Variants in ARMH3 observed in about 807,000 individuals in gnomAD.
ARMH3 encodes armadillo-like helical domain-containing protein 3.
In ARMH3, 60 loss-of-function variants were observed where a neutral mutation model predicts 99.1. That is an observed-to-expected ratio of 0.61 (90% CI 0.49 to 0.75). The LOEUF (loss-of-function observed/expected upper bound fraction) is 0.75. ARMH3 is among the 30% of genes least tolerant of loss of function. The probability of loss-of-function intolerance (pLI) is 0.00; values close to 1 mark genes in which losing one functional copy is unlikely to be tolerated. For missense variants in ARMH3, 679 were observed against 843.1 expected, an observed-to-expected ratio of 0.81 and a Z score of 2.41; for synonymous variants, 285 against 292.8, an observed-to-expected ratio of 0.97 and a Z score of 0.27.
chr10:102,044,428 T>C (rs1007791296), intron 1 of ARMH3, among the ~76,000 whole-genome samples: 3 of 149,516 alleles, frequency 2.0e-5, no homozygotes, highest in Non-Finnish European at 3.0e-5. Context: ...CTGGATGCAG[T>C]GACATGATCT....
chr10:102,021,774 C>T (rs987119473), intron 8 of ARMH3, among the ~76,000 whole-genome samples: 1 of 151,896 alleles, frequency 6.6e-6, no homozygotes, highest in Non-Finnish European at 1.5e-5. Context: ...TCTCGATCTC[C>T]CAACCTCGTG....
At chr10:101,910,829 T>G (rs1842836850) in intron 23 of ARMH3, among the ~76,000 whole-genome samples, 3 of 150,120 alleles carry the variant, frequency 2.0e-5, no homozygotes, top group Admixed American at 2.0e-4. Context: ...ACATTCAGGT[T>G]TTTTTTTTGG....
chr10:102,035,578 AT>A (rs1294707245), intron 2 of ARMH3, among the ~76,000 whole-genome samples: 1 of 152,100 alleles, frequency 6.6e-6, no homozygotes, highest in African/African-American at 2.4e-5. Context: ...TGGTTTTCGT[AT>A]TTTTTTGGTG....
chr10:102,006,601 A>G lies in ARMH3; in HGVS notation c.987T>C (p.Pro329=), dbSNP rs2066494623. The change falls in exon 14 of 26, where the codon CCT becomes CCC. Residue 329 remains proline (P), a synonymous_variant. Transcript: ENST00000370033. The stretch of plus-strand genomic sequence containing the variant: ...CTGGGGTTGTAGGAGCAGGACTGAC[A>G]GGGGTCGTCACCAAGCCCATTTCTG... ...SHPEMGLVTT[P]VSPAPTTPVT... 2.5e-6 allele frequency: 4 copies of G among 1,613,942 alleles called. No homozygotes were observed. In the South Asian group the frequency reaches 4.4e-5, roughly 18 times the overall value.
chr10:101,945,727 G>GA lies in ARMH3; in HGVS notation c.1706-5790dup, dbSNP rs761487751. 2.3e-3 allele frequency among the ~76,000 whole-genome samples: 312 copies of GA among 138,408 alleles called. 2 individuals are homozygous for GA. The highest frequency in any genetic ancestry group is 4.0e-3 in the Non-Finnish European group (253 of 63,500). The allele number at this position is 138,408 out of a possible 152,430, so 90.8% of individuals were successfully genotyped here. On this transcript the variant is annotated intron_variant, in intron 22 of 25. Transcript: ENST00000370033. ...CAGAACGAGACTCTGTCTCAAAAAAGAAAAAAAAAAATCCAGAAGATTATA... is the reference window on the plus strand; with the variant it reads ...CAGAACGAGACTCTGTCTCAAAAAAGAAAAAAAAAAAATCCAGAAGATTATA...
intron 1 of ARMH3, among the ~76,000 whole-genome samples, chr10:102,044,344 G>T (rs1590230952): frequency 6.6e-6 from 1 of 151,334 alleles, no homozygotes; most frequent in Non-Finnish European, 1.5e-5. Flanking sequence ...CAAAGTGCTG[G>T]GATTACAGGC....
intron 23 of ARMH3, among the ~76,000 whole-genome samples, chr10:101,912,403 A>G (rs1450765587): frequency 6.6e-6 from 1 of 152,120 alleles, no homozygotes; most frequent in Non-Finnish European, 1.5e-5. Context: ...AAAAAAAAAA[A>G]AAAAAAAAAG....
rs1049054360 is a variant in ARMH3 at position 101,930,930 on chromosome 10, T to G, written c.1781+8933A>C. ...TCATTTAGTAATCTCAATAATGACATAGGTCCATTGTTATCCTCACTTTAT... is the reference window on the plus strand; with the variant it reads ...TCATTTAGTAATCTCAATAATGACAGAGGTCCATTGTTATCCTCACTTTAT... On this transcript the variant is annotated intron_variant, in intron 23 of 25. Transcript: ENST00000370033. 3.3e-5 allele frequency among the ~76,000 whole-genome samples: 5 copies of G among 152,350 alleles called. No homozygotes were observed. In the East Asian group the frequency reaches 5.8e-4, roughly 18 times the overall value.
chr10:101,870,811 A>G (rs1034196307), intron 24 of ARMH3, among the ~76,000 whole-genome samples: 1 of 152,126 alleles, frequency 6.6e-6, no homozygotes, highest in Non-Finnish European at 1.5e-5. Context: ...GAGGCCTGGT[A>G]GCCTGTAGTC....
chr10:101,921,794 G>C (rs927303662), intron 23 of ARMH3, among the ~76,000 whole-genome samples: 6 of 152,180 alleles, frequency 3.9e-5, no homozygotes, highest in Admixed American at 2.0e-4. Context: ...CCTCATGAAG[G>C]TACAGAGTAG....
chr10:101,991,898 T>C, intron 18 of ARMH3, 71 bp downstream of exon 18: 1 of 1,362,160 alleles, frequency 7.3e-7, no homozygotes, highest in South Asian at 1.2e-5. Context: ...AAACAGGTTC[T>C]ACTCTTCATC....
intron 23 of ARMH3, among the ~76,000 whole-genome samples, chr10:101,900,009 C>T (rs1247996132): frequency 6.6e-6 from 1 of 152,174 alleles, no homozygotes; most frequent in Non-Finnish European, 1.5e-5. Context: ...AATGGACCAT[C>T]TACATTTCCA....
chr10:101,901,700 G>A (rs1564735455), intron 23 of ARMH3, among the ~76,000 whole-genome samples: 1 of 152,158 alleles, frequency 6.6e-6, no homozygotes. Flanking sequence ...GCAGGTGGTA[G>A]GGTTGGCTAC....
rs538675805 is a variant in ARMH3, at chr10:101,866,970, C to T, written c.1861-17078G>A. On this transcript the variant is annotated intron_variant, in intron 24 of 25. Coordinates refer to ENST00000370033, the MANE Select transcript of ARMH3 (RefSeq NM_024541.3). ...AGAAAATCACTGTAGACAAAAGTAC[C>T]CTATTCTGAAAAAAAATTTCTGCAA... is the stretch of plus-strand genomic sequence containing the variant. Among the ~76,000 whole-genome samples the T allele has an allele frequency of 2.6e-5, 4 of 151,816 alleles. No individual in the cohort carries two copies. In the East Asian group the frequency reaches 7.7e-4, roughly 29 times the overall value.
At chr10:101,928,535 G>A (rs1387484714) in intron 23 of ARMH3, among the ~76,000 whole-genome samples, 1 of 152,124 alleles carries the variant, frequency 6.6e-6, no homozygotes, top group African/African-American at 2.4e-5. Context: ...CAGGCACAGT[G>A]GCACATGCTT....
chr10:101,951,101 T>C (rs1844762246), intron 22 of ARMH3, among the ~76,000 whole-genome samples: 1 of 152,184 alleles, frequency 6.6e-6, no homozygotes, highest in Admixed American at 6.5e-5. Flanking sequence ...TAATAGAATA[T>C]ATGCAAGATT....
At chr10:101,875,082 A>C (rs1236878853) in intron 24 of ARMH3, among the ~76,000 whole-genome samples, 1 of 152,180 alleles carries the variant, frequency 6.6e-6, no homozygotes, top group Non-Finnish European at 1.5e-5. Flanking sequence ...AATCTGCGGA[A>C]CATTAAGCCA....
intron 11 of ARMH3, 41 bp from the exon 12 acceptor site, chr10:102,010,064 A>C (rs1248917551): frequency 3.2e-6 from 5 of 1,585,050 alleles, no homozygotes; most frequent in Non-Finnish European, 4.3e-6. Flanking sequence ...TAGCAGGAGG[A>C]TATGAGAGGA....
intron 25 of ARMH3, among the ~76,000 whole-genome samples, chr10:101,848,750 C>G (rs1282854900): frequency 6.6e-6 from 1 of 152,092 alleles, no homozygotes; most frequent in Admixed American, 6.5e-5. Context: ...GACACCGCTC[C>G]CGTAACCCTC....
Sources: allele counts gnomAD v4.1 joint callset (sites outside exome capture counted in the v4.1 genomes callset), GRCh38; gene constraint gnomAD v4.1.1; transcripts MANE v1.5; gene names NCBI Gene and HGNC (gene_info 2026-07-23, HGNC 2026-07-21).